The following GALNT16 variants were observed in gnomAD, a reference collection of about 807,000 sequenced individuals.
The protein encoded by GALNT16 is UDP-GalNAc:polypeptide N-acetylgalactosaminyltransferase-like protein 1.
In GALNT16, 40 loss-of-function variants were observed where a neutral mutation model predicts 76.1. The ratio of observed to expected loss-of-function variants is 0.53; its 90% CI spans 0.41 to 0.68. GALNT16 has a LOEUF of 0.68. GALNT16 is among the 30% of genes least tolerant of loss of function. The pLI, the probability that GALNT16 is intolerant of heterozygous loss-of-function variation, is 0.00. For missense variants in GALNT16, 621 were observed against 731.9 expected, an observed-to-expected ratio of 0.85 and a Z score of 1.75; for synonymous variants, 276 against 285.2, an observed-to-expected ratio of 0.97 and a Z score of 0.32.
chr14:69,264,815 C>CTTTTTTTTTTTTTTTTTTTTT (rs1436985515), intron 1 of GALNT16, among the ~76,000 whole-genome samples: 2 of 44,948 alleles, frequency 4.4e-5, no homozygotes, highest in African/African-American at 2.2e-4. Context: ...TTTTCTTTTT[C>CTTTTTTTTTTTTTTTTTTTTT]TTTCTTTTTT....
rs754955265 is a variant in GALNT16 at position 69,338,788 on chromosome 14, G to A, written c.1094+11G>A. On this transcript the variant is annotated intron_variant, in intron 10 of 14. Transcript: ENST00000448469. ...CCTCACCTACATCAGGTAGGTCACC[G>A]AGAAAGGAGCACGGGACTCAGAGGA... 6.5e-5 allele frequency: 104 copies of A among 1,607,468 alleles called. No homozygotes were observed. The highest frequency in any genetic ancestry group is 8.0e-5 in the Non-Finnish European group (94 of 1,176,450).
chr14:69,312,079 ATC>A (rs2045033521), intron 1 of GALNT16, among the ~76,000 whole-genome samples: 1 of 150,980 alleles, frequency 6.6e-6, no homozygotes, highest in Admixed American at 6.6e-5. Context: ...CTATCTATCT[ATC>A]TATCTATCTA....
intron 1 of GALNT16, among the ~76,000 whole-genome samples, chr14:69,296,805 CTAGATAGATAGATAGATAGATAGATAGA>C (rs71102640): frequency 1.4e-4 from 21 of 148,068 alleles, no homozygotes; most frequent in Non-Finnish European, 6.0e-5. Flanking sequence ...ACAGATAGAG[CTAGATAGATAGATAGATAGATAGATAGA>C]TAGATAGATA....
chr14:69,266,045 G>C (rs1396259727), intron 1 of GALNT16, among the ~76,000 whole-genome samples: 1 of 152,180 alleles, frequency 6.6e-6, no homozygotes, highest in African/African-American at 2.4e-5. Flanking sequence ...GCTTACTCAT[G>C]CTCTGACAAC....
the GALNT16 span, among the ~76,000 whole-genome samples, chr14:69,367,813 A>T: frequency 6.6e-6 from 1 of 151,964 alleles, no homozygotes; most frequent in Non-Finnish European, 1.5e-5. Context: ...ACATAGGGAG[A>T]CCCTGTTTCT....
At chr14:69,339,343 T>C (rs1056129315) in intron 10 of GALNT16, among the ~76,000 whole-genome samples, 184 bp from the exon 11 acceptor site, 1 of 152,192 alleles carries the variant, frequency 6.6e-6, no homozygotes, top group Admixed American at 6.5e-5. Flanking sequence ...GCTGCATACC[T>C]ACAAAGTCGA....
chr14:69,339,044 G>A (rs1276381908), intron 10 of GALNT16, among the ~76,000 whole-genome samples: 1 of 151,952 alleles, frequency 6.6e-6, no homozygotes, highest in Non-Finnish European at 1.5e-5. Flanking sequence ...CCCCAACTAA[G>A]CCATGCTCTC....
At chr14:69,377,411 GTGA>G in the GALNT16 span, among the ~76,000 whole-genome samples, 2 of 152,160 alleles carry the variant, frequency 1.3e-5, no homozygotes, top group African/African-American at 4.8e-5. Context: ...AAGGGTTGCT[GTGA>G]TGATAAATAT....
At chr14:69,310,406 C>A (rs755775617) in intron 1 of GALNT16, among the ~76,000 whole-genome samples, 126 of 152,102 alleles carry the variant, frequency 8.3e-4, no homozygotes, top group Admixed American at 1.4e-3. Flanking sequence ...TAGATTAAGT[C>A]AAGGAGAATG....
intron 6 of GALNT16, among the ~76,000 whole-genome samples, chr14:69,330,958 G>T (rs2045345033): frequency 6.6e-6 from 1 of 152,126 alleles, no homozygotes; most frequent in African/African-American, 2.4e-5. Flanking sequence ...GATTACATGG[G>T]GACCTCGGAG....
In GALNT16 at chr14:69,260,352, T is replaced by C; in HGVS notation, c.62T>C (p.Phe21Ser). Residue 21 changes from phenylalanine (F) to serine (S), a missense_variant, in exon 1 of 15, where the codon TTC becomes TCC. Coordinates refer to ENST00000448469, the MANE Select transcript of GALNT16 (RefSeq NM_001168368.2). ...ACCGTAGCCTGGATCCTGGGCACTT[T>C]CTACTACTTATGGCAGGACAACCGA... is the stretch of plus-strand genomic sequence containing the variant. ...ILTVAWILGT[F>S]YYLWQDNRAH... 1.2e-6 allele frequency: 2 copies of C among 1,612,750 alleles called. No homozygotes were observed. The highest frequency in any genetic ancestry group is 1.7e-6 in the Non-Finnish European group (2 of 1,179,484).
intron 1 of GALNT16, among the ~76,000 whole-genome samples, chr14:69,314,207 T>TTAA (rs1566876361): frequency 6.6e-6 from 1 of 152,278 alleles, no homozygotes; most frequent in Non-Finnish European, 1.5e-5. Context: ...AATTCGTTAG[T>TTAA]TAATAATAAT....
chr14:69,309,449 G>A (rs997238927), intron 1 of GALNT16, among the ~76,000 whole-genome samples: 2 of 151,818 alleles, frequency 1.3e-5, no homozygotes, highest in African/African-American at 2.4e-5. Flanking sequence ...ACTACAGCAC[G>A]CACCATCATA....
At chr14:69,283,714 A>G (rs998811704) in intron 1 of GALNT16, among the ~76,000 whole-genome samples, 8 of 152,200 alleles carry the variant, frequency 5.3e-5, no homozygotes, top group Non-Finnish European at 1.0e-4. Flanking sequence ...CAGGGTAGTT[A>G]AGAAGATTTG....
intron 2 of GALNT16, among the ~76,000 whole-genome samples, chr14:69,322,316 C>T (rs1483742448): frequency 6.6e-6 from 1 of 152,258 alleles, no homozygotes. Flanking sequence ...GTTACATCCA[C>T]ATAGCTCCAC....
In GALNT16 at chr14:69,282,050, G is replaced by A. The variant is rs868354485; in HGVS notation, c.177+21583G>A. Among the ~76,000 whole-genome samples, 64 of 152,216 alleles carry A rather than the reference G, an allele frequency of 4.2e-4. 1 individual carries two copies. Among genetic ancestry groups the A allele is most frequent in the African/African-American group, 1.5e-3 (61 of 41,452 alleles). On this transcript the variant is annotated intron_variant, in intron 1 of 14. Transcript: ENST00000448469. ...TTGTCCCAGAGAAACTATGAGAAAC[G>A]TCAGCCTTGACGAAGACGATGTCTG... is the stretch of plus-strand genomic sequence containing the variant.
intron 1 of GALNT16, among the ~76,000 whole-genome samples, chr14:69,269,963 G>A (rs1050625623): frequency 6.6e-6 from 1 of 151,970 alleles, no homozygotes; most frequent in African/African-American, 2.4e-5. Flanking sequence ...GACTCTGTCT[G>A]GAGGGAGAGT....
intron 1 of GALNT16, among the ~76,000 whole-genome samples, chr14:69,276,817 A>G (rs1265344701): frequency 6.6e-6 from 1 of 152,232 alleles, no homozygotes; most frequent in East Asian, 1.9e-4. Context: ...ATTTTAAAGC[A>G]TGTTTAAAGT....
At chr14:69,380,521 C>CCGG in the GALNT16 span, 1 of 1,367,758 alleles carries the variant, frequency 7.3e-7, no homozygotes. Context: ...CCAACCCCCC[C>CCGG]AGTGCTTCCA....
Sources: allele counts gnomAD v4.1 joint callset (sites outside exome capture counted in the v4.1 genomes callset), GRCh38; gene constraint gnomAD v4.1.1; transcripts MANE v1.5; gene names NCBI Gene and HGNC (gene_info 2026-07-23, HGNC 2026-07-21).